Variants in THSD4 observed in about 807,000 individuals in gnomAD.
THSD4 encodes thrombospondin type-1 domain-containing protein 4.
THSD4 carries 69 observed loss-of-function variants against 119.0 expected under a neutral mutation model. The ratio of observed to expected loss-of-function variants is 0.58; its 90% CI spans 0.48 to 0.71. THSD4 has a LOEUF of 0.71. Among genes scored for constraint, THSD4 ranks in the 30% least tolerant of loss-of-function variants. The pLI is 0.00. For missense variants in THSD4, 1,393 were observed against 1,391.1 expected (o/e 1.00, Z -0.02); for synonymous variants, 524 against 540.4 (o/e 0.97, Z 0.42).
At chr15:71,367,808 A>G (rs2045985468) in intron 6 of THSD4, among the ~76,000 whole-genome samples, 1 of 152,204 alleles carries the variant, frequency 6.6e-6, no homozygotes, top group Non-Finnish European at 1.5e-5. Context: ...CAGTAATGGG[A>G]TGGCTGGGTC....
At chr15:71,647,502 T>C (rs2050993978) in intron 7 of THSD4, among the ~76,000 whole-genome samples, 1 of 152,256 alleles carries the variant, frequency 6.6e-6, no homozygotes, top group South Asian at 2.1e-4. Flanking sequence ...GAAATATTCA[T>C]ATTGGATGTA....
intron 7 of THSD4, among the ~76,000 whole-genome samples, chr15:71,622,946 C>G (rs1003886070): frequency 6.6e-6 from 1 of 151,992 alleles, no homozygotes; most frequent in Non-Finnish European, 1.5e-5. Flanking sequence ...AAAATAAGAG[C>G]AAGCCAGAGT....
rs1491162842 is a variant in THSD4 at position 71,724,288 on chromosome 15, T to TATATATA, written c.1358-4261_1358-4260insATATATA. ...TGGGATATATATATATATATATATA[T>TATATATA]TTTTTTTTTCCCCCCAAGATGGAAT... On this transcript the variant is annotated intron_variant, in intron 8 of 17. Coordinates refer to ENST00000261862, the MANE Select transcript of THSD4 (RefSeq NM_024817.3). Among the ~76,000 whole-genome samples, 110 of 31,462 alleles carry TATATATA rather than the reference T, an allele frequency of 3.5e-3. 1 individual carries two copies. The highest frequency in any genetic ancestry group is 9.0e-3 in the African/African-American group (105 of 11,634). The allele number at this position is 31,462 out of a possible 152,430, so 20.6% of individuals were successfully genotyped here.
At position 71,455,055 on chromosome 15, in the gene THSD4, G is replaced by T. The variant is rs148736982; in HGVS notation, c.1152+43232G>T. On this transcript the variant is annotated intron_variant, in intron 7 of 17. Transcript: ENST00000261862. ...CCCACAAATGGCTGCATCACCTGCT[G>T]ATCACGTGGGGCTGGATTTTCTACC... Among the ~76,000 whole-genome samples, 345 of 152,306 alleles carry T rather than the reference G, an allele frequency of 2.3e-3. 3 individuals are homozygous for T. Among genetic ancestry groups the T allele is most frequent in the African/African-American group, 8.0e-3 (334 of 41,564 alleles).
chr15:71,411,777 C>CAT lies in THSD4; in HGVS notation c.1106_1107insAT (p.Cys370SerfsTer24). On this transcript the variant is annotated frameshift_variant, in exon 7 of 18. Transcript: ENST00000261862. LOFTEE classifies it high-confidence loss of function. ...GCTGAGAAAGTCATCGATGGCACCC[C>CAT]CTGTGACCAGAACGGCACGGCCATC... 1 of 1,614,128 alleles carries CAT rather than the reference C, an allele frequency of 6.2e-7. No homozygotes were observed. Among genetic ancestry groups the CAT allele is most frequent in the Non-Finnish European group, 8.5e-7 (1 of 1,180,010 alleles).
chr15:71,244,664 C>T (rs749481763), intron 5 of THSD4, among the ~76,000 whole-genome samples: 1 of 152,126 alleles, frequency 6.6e-6, no homozygotes, highest in Non-Finnish European at 1.5e-5. Flanking sequence ...ACAGAAAAGT[C>T]GTGGTATCTA....
intron 3 of THSD4, among the ~76,000 whole-genome samples, chr15:71,173,423 T>C (rs2043403143): frequency 6.6e-6 from 1 of 151,946 alleles, no homozygotes; most frequent in Non-Finnish European, 1.5e-5. Context: ...GAAAACTTAA[T>C]ATTGTTAAAA....
At chr15:71,454,171 C>T (rs1234743192) in intron 7 of THSD4, among the ~76,000 whole-genome samples, 1 of 152,052 alleles carries the variant, frequency 6.6e-6, no homozygotes, top group Non-Finnish European at 1.5e-5. Flanking sequence ...GCAGGAGAAT[C>T]GCTTGAACCC....
chr15:71,697,349 C>T (rs772232365), intron 8 of THSD4, among the ~76,000 whole-genome samples: 3 of 152,228 alleles, frequency 2.0e-5, no homozygotes, highest in South Asian at 2.1e-4. Flanking sequence ...GTGAAGGAGC[C>T]GGCTGGGGGT....
intron 7 of THSD4, among the ~76,000 whole-genome samples, chr15:71,475,116 T>TC (rs2047638199): frequency 6.6e-6 from 1 of 152,334 alleles, no homozygotes; most frequent in South Asian, 2.1e-4. Flanking sequence ...CATTATGCCT[T>TC]CCTCTTATGC....
intron 6 of THSD4, among the ~76,000 whole-genome samples, chr15:71,276,666 C>G (rs774452801): frequency 6.6e-6 from 1 of 152,126 alleles, no homozygotes; most frequent in Non-Finnish European, 1.5e-5. Flanking sequence ...AGTCTCTATT[C>G]TTTATTAAAG....
chr15:71,327,738 G>T (rs911323345), intron 6 of THSD4, among the ~76,000 whole-genome samples: 1 of 151,712 alleles, frequency 6.6e-6, no homozygotes, highest in African/African-American at 2.4e-5. Flanking sequence ...TATAAATCTT[G>T]ATTTTTCTCT....
chr15:71,111,233 TG>T, upstream of THSD4: 1 of 1,613,946 alleles, frequency 6.2e-7, no homozygotes, highest in East Asian at 2.2e-5. Flanking sequence ...GGAGATAACC[TG>T]AAGTGTGGCC....
At chr15:71,387,773 C>T (rs1009431114) in intron 6 of THSD4, among the ~76,000 whole-genome samples, 2 of 152,214 alleles carry the variant, frequency 1.3e-5, no homozygotes, top group Admixed American at 1.3e-4. Flanking sequence ...GAATCTCAGG[C>T]ATGTAGCTCA....
chr15:71,614,140 G>C (rs1595788887), intron 7 of THSD4, among the ~76,000 whole-genome samples: 1 of 152,268 alleles, frequency 6.6e-6, no homozygotes, highest in East Asian at 1.9e-4. Context: ...ACATTTTTCT[G>C]TCTGTCCCAG....
At chr15:71,306,116 G>A (rs1423320070) in intron 6 of THSD4, among the ~76,000 whole-genome samples, 1 of 151,976 alleles carries the variant, frequency 6.6e-6, no homozygotes, top group Non-Finnish European at 1.5e-5. Context: ...GACCAGCCTG[G>A]CCAACATGGC....
chr15:71,523,247 G>T (rs1462873751), intron 7 of THSD4, among the ~76,000 whole-genome samples: 1 of 152,174 alleles, frequency 6.6e-6, no homozygotes, highest in Non-Finnish European at 1.5e-5. Context: ...GCCTCCTGAG[G>T]CTCCAAGGGA....
At chr15:71,513,779 CA>C (rs1259461800) in intron 7 of THSD4, among the ~76,000 whole-genome samples, 1 of 152,288 alleles carries the variant, frequency 6.6e-6, no homozygotes, top group Admixed American at 6.5e-5. Context: ...GGAAACAACG[CA>C]AACATCTATC....
intron 6 of THSD4, among the ~76,000 whole-genome samples, chr15:71,365,131 TTGTGTGTGTGTGTGTGTGTGTGTG>T (rs10690804): frequency 1.5e-5 from 2 of 135,824 alleles, no homozygotes; most frequent in African/African-American, 5.4e-5. Flanking sequence ...GCCCCCCCCA[TTGTGTGTGTGTGTGTGTGTGTGTG>T]TGTGTGTGTG....
Sources: allele counts gnomAD v4.1 joint callset (sites outside exome capture counted in the v4.1 genomes callset), GRCh38; gene constraint gnomAD v4.1.1; transcripts MANE v1.5; gene names NCBI Gene and HGNC (gene_info 2026-07-23, HGNC 2026-07-21).